ESR1: variants seen among roughly 807,000 people sequenced by gnomAD.
ESR1 encodes the protein estrogen receptor.
ESR1 carries 12 observed loss-of-function variants against 52.7 expected under a neutral mutation model. The observed-to-expected ratio is 0.23, with a 90% CI of 0.15 to 0.37. The LOEUF is 0.37. Among genes scored for constraint, ESR1 ranks in the 10% least tolerant of loss-of-function variants. The pLI is 1.00. For missense variants in ESR1, 584 were observed against 779.7 expected (o/e 0.75, Z 2.99); for synonymous variants, 305 against 316.8 (o/e 0.96, Z 0.39).
intron 2 of ESR1, among the ~76,000 whole-genome samples, chr6:151,722,731 G>A (rs1466985370): frequency 6.6e-6 from 1 of 152,188 alleles, no homozygotes; most frequent in African/African-American, 2.4e-5. Context: ...GAACTTTTAA[G>A]CAAACTAAAT....
At chr6:152,013,125 A>G (rs566881588) in intron 5 of ESR1, among the ~76,000 whole-genome samples, 18 of 152,316 alleles carry the variant, frequency 1.2e-4, no homozygotes, top group East Asian at 9.6e-4. Context: ...TGTACTCACA[A>G]TGTATTCTGT....
At chr6:152,065,550 C>T (rs529790955) in intron 6 of ESR1, among the ~76,000 whole-genome samples, 94 of 152,260 alleles carry the variant, frequency 6.2e-4, no homozygotes, top group African/African-American at 2.1e-3. Flanking sequence ...TTTTCTAAAC[C>T]GCTCTTAACC....
At chr6:152,064,920 A>G (rs939963130) in intron 6 of ESR1, among the ~76,000 whole-genome samples, 5 of 152,214 alleles carry the variant, frequency 3.3e-5, no homozygotes, top group African/African-American at 1.2e-4. Flanking sequence ...TATTAAATGG[A>G]AAAAGCAAGA....
chr6:151,890,747 G>T (rs1794589981), intron 3 of ESR1, among the ~76,000 whole-genome samples: 1 of 151,888 alleles, frequency 6.6e-6, no homozygotes, highest in Admixed American at 6.6e-5. Flanking sequence ...GGCCTTCTTT[G>T]TCTTATTTTA....
chr6:151,888,577 T>C (rs920419007), intron 3 of ESR1, among the ~76,000 whole-genome samples: 5 of 152,200 alleles, frequency 3.3e-5, no homozygotes. Context: ...GTGGAGTCTA[T>C]ACTTACATGA....
In ESR1 at chr6:152,030,188, T is replaced by G. The variant is rs1272010834; in HGVS notation, c.1235+18394T>G. The stretch of plus-strand genomic sequence containing the variant: ...ACTAGTACCAGCCACTGCAAAAACA[T>G]GCAAATTGGAAAGACCATCGAGGCT... On this transcript the variant is annotated intron_variant, in intron 5 of 7. Transcript: ENST00000206249. Among the ~76,000 whole-genome samples, 3 of 152,106 alleles carry G rather than the reference T, an allele frequency of 2.0e-5. No individual in the cohort carries two copies. In the East Asian group the frequency reaches 5.8e-4, roughly 29 times the overall value.
intron 4 of ESR1, among the ~76,000 whole-genome samples, chr6:151,994,346 T>C (rs2041290071): frequency 6.6e-6 from 1 of 152,172 alleles, no homozygotes; most frequent in South Asian, 2.1e-4. Flanking sequence ...TAATGCTGGC[T>C]CTTTAAGACT....
At chr6:151,940,867 G>A (rs951589296) in intron 3 of ESR1, among the ~76,000 whole-genome samples, 1 of 152,136 alleles carries the variant, frequency 6.6e-6, no homozygotes, top group Non-Finnish European at 1.5e-5. Flanking sequence ...AGTATTGAAC[G>A]GATTTTTACT....
chr6:151,754,051 C>T (rs370917856), intron 2 of ESR1, among the ~76,000 whole-genome samples: 32 of 152,260 alleles, frequency 2.1e-4, no homozygotes, highest in African/African-American at 7.7e-4. Context: ...GAGATGCTCC[C>T]ACAAACAGAG....
chr6:151,850,604 T>C (rs1426976338), intron 2 of ESR1, among the ~76,000 whole-genome samples: 1 of 152,112 alleles, frequency 6.6e-6, no homozygotes, highest in African/African-American at 2.4e-5. Context: ...ATCTTGCTCC[T>C]AGCTCCTGCC....
At chr6:151,767,059 A>G (rs1785114505) in intron 2 of ESR1, among the ~76,000 whole-genome samples, 1 of 152,166 alleles carries the variant, frequency 6.6e-6, no homozygotes, top group South Asian at 2.1e-4. Context: ...AATCTTTTAC[A>G]CCACGTATTT....
intron 2 of ESR1, among the ~76,000 whole-genome samples, chr6:151,716,003 C>A (rs1424439375): frequency 6.6e-6 from 1 of 152,148 alleles, no homozygotes; most frequent in Non-Finnish European, 1.5e-5. Context: ...TGTTGGTGAC[C>A]TTTGGATGGG....
chr6:151,672,929 C>T (rs999955355), intron 1 of ESR1, among the ~76,000 whole-genome samples: 2 of 149,414 alleles, frequency 1.3e-5, no homozygotes, highest in African/African-American at 4.9e-5. Context: ...CCCGGGTTCA[C>T]GCCATTCTCC....
chr6:151,806,699 T>G (rs939383463), upstream of ESR1, among the ~76,000 whole-genome samples: 8 of 151,978 alleles, frequency 5.3e-5, no homozygotes, highest in African/African-American at 1.9e-4. Context: ...GTTGTAGGAC[T>G]AAAGGATAGA....
At chr6:152,014,391 CA>C (rs1224955058) in intron 5 of ESR1, among the ~76,000 whole-genome samples, 1 of 152,102 alleles carries the variant, frequency 6.6e-6, no homozygotes, top group African/African-American at 2.4e-5. Context: ...TCTGTTGTGT[CA>C]GGGGGTGGGG....
intron 5 of ESR1, among the ~76,000 whole-genome samples, chr6:152,035,990 G>A (rs968524573): frequency 6.6e-6 from 1 of 152,118 alleles, no homozygotes; most frequent in Non-Finnish European, 1.5e-5. Context: ...TCAGGGTCGG[G>A]AATTAGGTCT....
At chr6:151,699,416 G>T (rs1779604491) in intron 1 of ESR1, among the ~76,000 whole-genome samples, 1 of 152,100 alleles carries the variant, frequency 6.6e-6, no homozygotes, top group African/African-American at 2.4e-5. Flanking sequence ...CCAGCTCTTT[G>T]GTTCTAAATT....
At chr6:151,718,219 C>G (rs1470448728) in intron 2 of ESR1, among the ~76,000 whole-genome samples, 1 of 152,184 alleles carries the variant, frequency 6.6e-6, no homozygotes. Context: ...GATATACCTT[C>G]TTGTCTATGA....
chr6:151,879,295 C>T (rs9322336), intron 2 of ESR1, among the ~76,000 whole-genome samples: 124,548 of 152,146 alleles, frequency 0.82, 51,739 homozygotes, highest in African/African-American at 0.96. Flanking sequence ...CTGAAAAATA[C>T]CTGTAAAATT....
Sources: allele counts gnomAD v4.1 joint callset (sites outside exome capture counted in the v4.1 genomes callset), GRCh38; gene constraint gnomAD v4.1.1; transcripts MANE v1.5; gene names NCBI Gene and HGNC (gene_info 2026-07-23, HGNC 2026-07-21).